GRXCR1: variants seen among roughly 807,000 people sequenced by gnomAD.
The protein encoded by GRXCR1 is glutaredoxin and cysteine rich domain containing 1, also known as glutaredoxin domain-containing cysteine-rich protein 1.
A neutral mutation model predicts 27.3 loss-of-function variants in GRXCR1; 27 were observed. The ratio of observed to expected loss-of-function variants is 0.99; its 90% CI spans 0.73 to 1.37. The LOEUF (loss-of-function observed/expected upper bound fraction) is 1.37. Among genes scored for constraint, GRXCR1 ranks in the 40% most tolerant of loss-of-function variants. The pLI, the probability that GRXCR1 is intolerant of heterozygous loss-of-function variation, is 0.00. For synonymous variants in GRXCR1, 122 were observed against 131.1 expected, an observed-to-expected ratio of 0.93 and a Z score of 0.47; for missense variants, 379 against 354.4, an observed-to-expected ratio of 1.07 and a Z score of -0.56.
intron 3 of GRXCR1, among the ~76,000 whole-genome samples, chr4:43,022,290 T>G: frequency 6.6e-6 from 1 of 152,196 alleles, no homozygotes; most frequent in East Asian, 1.9e-4. Context: ...ATGAATATCC[T>G]TAATTGCTTT....
chr4:42,989,877 T>A (rs996410081), intron 2 of GRXCR1, among the ~76,000 whole-genome samples: 1 of 152,176 alleles, frequency 6.6e-6, no homozygotes, highest in Non-Finnish European at 1.5e-5. Flanking sequence ...CTGCTAAATA[T>A]GGGGTTCTTC....
intron 2 of GRXCR1, among the ~76,000 whole-genome samples, chr4:42,964,343 A>G (rs977226470): frequency 1.6e-4 from 24 of 151,982 alleles, no homozygotes; most frequent in Admixed American, 1.2e-3. Flanking sequence ...TTCATATGGC[A>G]TACTGGTTAA....
intron 2 of GRXCR1, among the ~76,000 whole-genome samples, chr4:42,979,089 T>A (rs905133836): frequency 4.6e-5 from 7 of 152,090 alleles, no homozygotes; most frequent in Non-Finnish European, 4.4e-5. Flanking sequence ...CTCTCCTTTA[T>A]AAACCACTCT....
intron 1 of GRXCR1, among the ~76,000 whole-genome samples, chr4:42,951,175 G>A (rs1747874181): frequency 6.6e-6 from 1 of 152,176 alleles, no homozygotes; most frequent in South Asian, 2.1e-4. Context: ...AGCTCAAGCA[G>A]CCAGGTAGAG....
At chr4:43,001,170 C>A (rs1712344217) in intron 2 of GRXCR1, among the ~76,000 whole-genome samples, 4 of 151,810 alleles carry the variant, frequency 2.6e-5, no homozygotes, top group Admixed American at 2.0e-4. Context: ...GATAGGATGC[C>A]TTTGTAACAC....
intron 1 of GRXCR1, among the ~76,000 whole-genome samples, chr4:42,896,772 C>G (rs1419487748): frequency 6.6e-6 from 1 of 152,086 alleles, no homozygotes; most frequent in Non-Finnish European, 1.5e-5. Context: ...TGTTCCTTAT[C>G]TCTTCAATAT....
intron 2 of GRXCR1, among the ~76,000 whole-genome samples, chr4:42,984,861 G>A (rs938039925): frequency 6.6e-6 from 1 of 152,176 alleles, no homozygotes; most frequent in African/African-American, 2.4e-5. Flanking sequence ...TTGGGACTGT[G>A]GGACCCTGCC....
rs1263286674 is a variant in GRXCR1, at chr4:43,020,396, C to A, written c.670C>A (p.Gln224Lys). The stretch of plus-strand genomic sequence containing the variant: ...GTCAATGAATGAATCAGGAGAACTG[C>A]AAGACATCCTAACCAAAATTGAGGT... ...ILSMNESGEL[Q>K]DILTKIERVQ... The change falls in exon 3 of 4, where the codon CAA becomes AAA. Residue 224 changes from glutamine to lysine, a missense_variant. By Grantham distance (53) the Gln-to-Lys change is moderately conservative. Coordinates refer to ENST00000399770, the MANE Select transcript of GRXCR1 (RefSeq NM_001080476.3). The A allele has an allele frequency of 1.2e-6, 2 of 1,611,214 alleles. No homozygotes were observed. Among genetic ancestry groups the A allele is most frequent in the Admixed American group, 1.7e-5 (1 of 59,956 alleles).
chr4:43,009,923 G>T (rs1052499740), intron 2 of GRXCR1, among the ~76,000 whole-genome samples: 1 of 152,066 alleles, frequency 6.6e-6, no homozygotes, highest in African/African-American at 2.4e-5. Flanking sequence ...ATAAGCTAGT[G>T]ATTCAAACAA....
intron 1 of GRXCR1, among the ~76,000 whole-genome samples, chr4:42,926,755 T>C (rs1255767383): frequency 1.3e-5 from 2 of 152,070 alleles, no homozygotes; most frequent in Non-Finnish European, 2.9e-5. Context: ...TGTCTTTCAT[T>C]AATTAACTTT....
rs967454009 is a variant in GRXCR1, at chr4:42,963,093, C to T, written c.586C>T (p.Pro196Ser). The change falls in exon 2 of 4, where the codon CCT (proline) becomes TCT (serine). Residue 196 changes from proline (P) to serine (S), a missense_variant. Transcript: ENST00000399770. Reference sequence around the variant, plus strand: ...ACGATGCCGACGAGTTTCTGAAGCTCCTTCCCTCCCTGTTGTGTTCATTGA... The same window carrying T: ...ACGATGCCGACGAGTTTCTGAAGCTTCTTCCCTCCCTGTTGTGTTCATTGA... ...DERCRRVSEA[P>S]SLPVVFIDGH... 1 of 1,612,578 alleles carries T rather than the reference C, an allele frequency of 6.2e-7. No individual in the cohort carries two copies. Among genetic ancestry groups the T allele is most frequent in the African/African-American group, 1.3e-5 (1 of 74,824 alleles).
At chr4:42,975,575 A>G (rs1748496668) in intron 2 of GRXCR1, among the ~76,000 whole-genome samples, 1 of 152,254 alleles carries the variant, frequency 6.6e-6, no homozygotes, top group East Asian at 1.9e-4. Context: ...TGTAATTATC[A>G]GGCTGGAGGC....
At chr4:42,923,201 ACAACTGCCTACT>A (rs1244314099) in intron 1 of GRXCR1, among the ~76,000 whole-genome samples, 1 of 152,104 alleles carries the variant, frequency 6.6e-6, no homozygotes, top group African/African-American at 2.4e-5. Context: ...TCCCAGGCTA[ACAACTGCCTACT>A]CAATGGTCCT....
chr4:43,020,896 A>G (rs1713073337), intron 3 of GRXCR1, among the ~76,000 whole-genome samples: 1 of 152,236 alleles, frequency 6.6e-6, no homozygotes, highest in African/African-American at 2.4e-5. Context: ...TTATTCAAAT[A>G]CTTATAAAAT....
At chr4:42,905,397 CATGCCA>C (rs1301481323) in intron 1 of GRXCR1, among the ~76,000 whole-genome samples, 1 of 152,172 alleles carries the variant, frequency 6.6e-6, no homozygotes, top group Non-Finnish European at 1.5e-5. Flanking sequence ...AATACCTTTC[CATGCCA>C]ATGCAAGGAA....
At chr4:42,992,868 C>A (rs1249489147) in intron 2 of GRXCR1, among the ~76,000 whole-genome samples, 1 of 152,030 alleles carries the variant, frequency 6.6e-6, no homozygotes, top group Admixed American at 6.5e-5. Context: ...TTTTGTAGTT[C>A]CTTTAGTTTA....
intron 1 of GRXCR1, among the ~76,000 whole-genome samples, chr4:42,953,182 G>A (rs1418183477): frequency 2.0e-5 from 3 of 152,110 alleles, no homozygotes; most frequent in Admixed American, 2.0e-4. Flanking sequence ...GCCACAGCAA[G>A]ATCTCTGGTT....
intron 1 of GRXCR1, among the ~76,000 whole-genome samples, chr4:42,938,386 G>A (rs77532044): frequency 0.01 from 1,594 of 151,968 alleles, 31 homozygotes; most frequent in African/African-American, 0.037. Context: ...GTGCTACAAC[G>A]AACATGGGAG....
At chr4:42,900,929 G>A (rs954991144) in intron 1 of GRXCR1, among the ~76,000 whole-genome samples, 1 of 152,114 alleles carries the variant, frequency 6.6e-6, no homozygotes, top group African/African-American at 2.4e-5. Context: ...ATCACCTTTG[G>A]TGAAGAGCCA....
Sources: allele counts gnomAD v4.1 joint callset (sites outside exome capture counted in the v4.1 genomes callset), GRCh38; gene constraint gnomAD v4.1.1; transcripts MANE v1.5; gene names NCBI Gene and HGNC (gene_info 2026-07-23, HGNC 2026-07-21).